The following ARID5B variants were observed in gnomAD, a reference collection of about 807,000 sequenced individuals.
ARID5B encodes the protein AT-rich interaction domain 5B.
Under a neutral mutation model 97.2 loss-of-function variants are expected in ARID5B, and 13 were observed. The ratio of observed to expected loss-of-function variants is 0.13; its 90% CI spans 0.09 to 0.21. The LOEUF (loss-of-function observed/expected upper bound fraction) is 0.21, where lower values mean the gene tolerates loss of function less well. Ranked by LOEUF, ARID5B falls within the 10% of genes least tolerant of loss-of-function variation. The pLI, the probability that ARID5B is intolerant of heterozygous loss-of-function variation, is 1.00. For missense variants in ARID5B, 1,210 were observed against 1,465.3 expected (o/e 0.83, Z 2.84); for synonymous variants, 556 against 570.3 (o/e 0.97, Z 0.36).
chr10:61,949,642 A>AC (rs546794669), intron 3 of ARID5B, among the ~76,000 whole-genome samples: 145 of 151,194 alleles, frequency 9.6e-4, no homozygotes, highest in African/African-American at 3.2e-3. Context: ...TGTCCACACC[A>AC]CCCCCCCACG....
Position 62,094,534 on chromosome 10 carries a change from A to C in ARID5B, c.*1504A>C. 4.3e-6 allele frequency: 1 copy of C among 231,740 alleles called. No individual in the cohort carries two copies. The highest frequency in any genetic ancestry group is 8.5e-6 in the Non-Finnish European group (1 of 117,124). The allele number at this position is 231,740 out of a possible 1,614,324, so 14.4% of individuals were successfully genotyped here. ...TTTTAACCACCTGGCAATACAGTCC[A>C]CTTTCTGGTTTCTTTTATTGTGGGA... On this transcript the variant is annotated 3_prime_UTR_variant, in exon 10 of 10. Transcript: ENST00000279873.
chr10:62,090,379 T>C (rs1158264782), intron 9 of ARID5B, among the ~76,000 whole-genome samples: 1 of 152,238 alleles, frequency 6.6e-6, no homozygotes, highest in Non-Finnish European at 1.5e-5. Context: ...GGATTTGCCC[T>C]GTTAAGGAAA....
chr10:62,058,567 G>C (rs1839885012), intron 6 of ARID5B, among the ~76,000 whole-genome samples: 1 of 152,106 alleles, frequency 6.6e-6, no homozygotes, highest in Non-Finnish European at 1.5e-5. Context: ...AGAGAAATCT[G>C]TTTGAAAAAA....
intron 8 of ARID5B, among the ~76,000 whole-genome samples, chr10:62,071,879 G>A (rs7078374): frequency 0.85 from 128,894 of 152,224 alleles, 54,896 homozygotes; most frequent in East Asian, 1. Flanking sequence ...TTGAAGAGTG[G>A]TGTCACTTTT....
intron 4 of ARID5B, among the ~76,000 whole-genome samples, chr10:62,045,277 G>A (rs995218048): frequency 6.6e-6 from 1 of 152,014 alleles, no homozygotes. Context: ...TTACTCATAC[G>A]TTAATAACTT....
intron 3 of ARID5B, among the ~76,000 whole-genome samples, chr10:61,997,632 CA>C (rs2132863804): frequency 6.6e-6 from 1 of 152,288 alleles, no homozygotes; most frequent in South Asian, 2.1e-4. Context: ...TATTTACAGG[CA>C]CAGTATTTAC....
Position 61,922,395 on chromosome 10 carries a change from G to A in ARID5B, c.277-17788G>A, listed in dbSNP as rs201310709. ...AGGCGGGTGGATCACCTGAGGTCAG[G>A]AGTTCAAGACTAGCCTGGCCAACAT... On this transcript the variant is annotated intron_variant, in intron 2 of 9. Coordinates refer to ENST00000279873, the MANE Select transcript of ARID5B (RefSeq NM_032199.3). Among the ~76,000 whole-genome samples, 11 of 152,356 alleles carry A rather than the reference G, an allele frequency of 7.2e-5. No homozygotes were observed. In the East Asian group the frequency reaches 2.1e-3, roughly 29 times the overall value.
At chr10:61,932,150 C>T (rs563635586) in intron 2 of ARID5B, among the ~76,000 whole-genome samples, 3 of 152,110 alleles carry the variant, frequency 2.0e-5, no homozygotes, top group Admixed American at 6.5e-5. Context: ...TTTCCTAGCG[C>T]GTATAAAAGT....
rs115945056 is a variant in ARID5B, at chr10:61,958,699, G to T, written c.502+18291G>T. Among the ~76,000 whole-genome samples, 1,052 of 152,250 alleles carry T rather than the reference G, an allele frequency of 6.9e-3. 13 individuals carry two copies. Among genetic ancestry groups the T allele is most frequent in the Middle Eastern group, 0.048 (14 of 294 alleles). On this transcript the variant is annotated intron_variant, in intron 3 of 9. Transcript: ENST00000279873. ...TTGAAAGGCCTAGTCATCCCACTAG[G>T]AACTTATACTTAGTTCAAACCCAGC...
At position 62,050,909 on chromosome 10, in the gene ARID5B, C is replaced by T. The variant is rs1460224385; in HGVS notation, c.755C>T (p.Pro252Leu). The T allele has an allele frequency of 6.2e-7, 1 of 1,614,120 alleles. No homozygotes were observed. ...DEFAPNLKGR[P>L]RKKKPCPQRR... is the part of the protein sequence containing the mutation. Reference sequence around the variant, plus strand: ...TCAGCGCCAAATCTTAAAGGCAGACCACGCAAAAAGAAACCATGCCCACAA... The same window carrying T: ...TCAGCGCCAAATCTTAAAGGCAGACTACGCAAAAAGAAACCATGCCCACAA... Residue 252 changes from proline (P) to leucine (L), a missense_variant, in exon 5 of 10, where the codon CCA (proline) becomes CTA (leucine). Around this residue, in one of 8 missense-constraint regions of ARID5B, gnomAD observed 132 missense variants for 156.7 expected, o/e 0.84. Transcript: ENST00000279873.
At chr10:61,918,112 A>T (rs1030644654) in intron 2 of ARID5B, among the ~76,000 whole-genome samples, 5 of 152,218 alleles carry the variant, frequency 3.3e-5, no homozygotes, top group African/African-American at 1.2e-4. Flanking sequence ...AATGAGGTAG[A>T]CTGAGGCCAG....
At chr10:61,942,362 A>G (rs1844424840) in intron 3 of ARID5B, among the ~76,000 whole-genome samples, 1 of 152,248 alleles carries the variant, frequency 6.6e-6, no homozygotes. Context: ...TGGAAAATCT[A>G]GATGAGTGGT....
At chr10:61,967,269 A>G (rs1260971332) in intron 3 of ARID5B, among the ~76,000 whole-genome samples, 1 of 152,192 alleles carries the variant, frequency 6.6e-6, no homozygotes, top group Non-Finnish European at 1.5e-5. Flanking sequence ...ATGTTACCAT[A>G]TTTCTACTTT....
At chr10:61,969,257 A>G (rs1564616007) in intron 3 of ARID5B, among the ~76,000 whole-genome samples, 1 of 152,158 alleles carries the variant, frequency 6.6e-6, no homozygotes. Flanking sequence ...TAAAATGCTT[A>G]TTTGCTAGCA....
Position 62,092,438 on chromosome 10 carries a change from T to C in ARID5B, c.2975T>C (p.Met992Thr), listed in dbSNP as rs1190493893. Residue 992 changes from methionine to threonine, a missense_variant, in exon 10 of 10, where the codon ATG (methionine) becomes ACG (threonine). By Grantham distance (81) the Met-to-Thr change is moderately conservative. Around this residue, in one of 8 missense-constraint regions of ARID5B, gnomAD observed 800 missense variants for 839.1 expected, o/e 0.95. Transcript: ENST00000279873. ...GAGAATTTCAGGAAGATGGAAGGCA[T>C]GGTCCACCCAATCCTGCACCGGAAA... ...RLENFRKMEG[M>T]VHPILHRKMS... is the part of the protein sequence containing the mutation. The C allele has an allele frequency of 1.2e-6, 2 of 1,614,198 alleles. No homozygotes were observed. Among genetic ancestry groups the C allele is most frequent in the Non-Finnish European group, 1.7e-6 (2 of 1,180,036 alleles).
chr10:62,008,061 A>ACACACACAC (rs1360080055), intron 4 of ARID5B, among the ~76,000 whole-genome samples: 2 of 66,532 alleles, frequency 3.0e-5, no homozygotes, highest in African/African-American at 5.6e-5. Context: ...CCCGCCCCAC[A>ACACACACAC]ACACACACAC....
intron 4 of ARID5B, among the ~76,000 whole-genome samples, chr10:62,017,548 T>C (rs1011129474): frequency 7.2e-5 from 11 of 152,214 alleles, no homozygotes; most frequent in African/African-American, 2.4e-4. Context: ...CCACATATTA[T>C]TTGGCTAATT....
At chr10:61,952,180 A>G (rs1402841486) in intron 3 of ARID5B, among the ~76,000 whole-genome samples, 3 of 152,092 alleles carry the variant, frequency 2.0e-5, no homozygotes, top group African/African-American at 4.8e-5. Flanking sequence ...AACCACATGT[A>G]CTCAGTCCCC....
At chr10:62,049,882 A>T (rs7091143) in intron 4 of ARID5B, among the ~76,000 whole-genome samples, 3,347 of 152,284 alleles carry the variant, frequency 0.022, 133 homozygotes, top group African/African-American at 0.076. Context: ...AGTAATAAAA[A>T]GTGTGGGTGC....
Sources: gnomAD v4.1 joint callset for allele counts (sites outside exome capture counted in the v4.1 genomes callset) on GRCh38, gnomAD v4.1.1 for gene constraint, gnomAD v4.1.1 regional missense constraint, MANE v1.5 for transcripts, NCBI Gene and HGNC (gene_info 2026-07-23, HGNC 2026-07-21) for gene names.